Variants in PAQR9 observed in about 807,000 individuals in gnomAD.
PAQR9 encodes the protein progestin and adipoQ receptor family member 9.
Under a neutral mutation model 24.0 loss-of-function variants are expected in PAQR9, and 12 were observed. The ratio of observed to expected loss-of-function variants is 0.50; its 90% CI spans 0.32 to 0.81. The LOEUF (loss-of-function observed/expected upper bound fraction) is 0.81. Ranked by LOEUF, PAQR9 falls within the 30% of genes least tolerant of loss-of-function variation. PAQR9 has a pLI of 0.03. For synonymous variants in PAQR9, 266 were observed against 237.6 expected (o/e 1.12, Z -1.10); for missense variants, 418 against 520.8 (o/e 0.80, Z 1.92).
chr3:142,962,627 G>A lies in PAQR9; in HGVS notation c.710C>T (p.Thr237Ile). The change falls in exon 1 of 1, where the codon ACC (threonine) becomes ATC (isoleucine). Residue 237 changes from threonine to isoleucine, a missense_variant. Around this residue, in one of 3 missense-constraint regions of PAQR9, gnomAD observed 230 missense variants for 305.2 expected, o/e 0.75. Transcript: ENST00000340634. ...ACCKSRTDWC[T>I]YPFALRTFVF... ...GAAGGTGCGCAGCGCGAACGGGTAG[G>A]TACACCAGTCGGTACGGCTCTTGCA... The A allele has an allele frequency of 1.2e-6, 2 of 1,612,626 alleles. No individual in the cohort carries two copies. The highest frequency in any genetic ancestry group is 1.7e-6 in the Non-Finnish European group (2 of 1,179,408).
chr3:142,957,372 C>G lies in PAQR9; in HGVS notation c.*4831G>C, dbSNP rs1237247227. Among the ~76,000 whole-genome samples the G allele has an allele frequency of 6.6e-6, 1 of 152,184 alleles. No individual in the cohort carries two copies. Among genetic ancestry groups the G allele is most frequent in the Non-Finnish European group, 1.5e-5 (1 of 68,036 alleles). ...CCCATTCTGACTGTTTGACTCTAAT[C>G]CTCTTTGTTCTCCCCTTCCCATGCA... On this transcript the variant is annotated 3_prime_UTR_variant, in exon 1 of 1. Transcript: ENST00000340634.
chr3:142,950,393 G>T, downstream of PAQR9: 1 of 197,422 alleles, frequency 5.1e-6, no homozygotes, highest in South Asian at 8.1e-5. Context: ...ATTTTGGGGG[G>T]CAGCAGTTTG....
At chr3:142,949,207 T>G (rs1934683427) in exon 3 of PAQR9, 1 of 152,238 alleles carries the variant, frequency 6.6e-6, no homozygotes, top group Non-Finnish European at 1.5e-5. Flanking sequence ...TTTATTTCCT[T>G]AAACCTGTTT....
downstream of PAQR9, among the ~76,000 whole-genome samples, chr3:142,953,107 A>G (rs1934740765): frequency 6.6e-6 from 1 of 152,196 alleles, no homozygotes; most frequent in Non-Finnish European, 1.5e-5. Flanking sequence ...CCTAGGCCAC[A>G]GGGGGTGATG....
Position 142,963,076 on chromosome 3 carries a change from G to A in PAQR9, c.261C>T (p.Phe87=). 5.0e-6 allele frequency: 8 copies of A among 1,614,184 alleles called. No individual in the cohort carries two copies. Among genetic ancestry groups the A allele is most frequent in the Non-Finnish European group, 6.8e-6 (8 of 1,180,006 alleles). The change falls in exon 1 of 1, where the codon TTC becomes TTT. Residue 87 remains phenylalanine, a synonymous_variant. Transcript: ENST00000340634. ...GCAGCAGCGGGATGAAGTGCGTCCAGAAGTTGAGCGTCTCGTTGGTAGGCT... is the reference window on the plus strand; with the variant it reads ...GCAGCAGCGGGATGAAGTGCGTCCAAAAGTTGAGCGTCTCGTTGGTAGGCT... ...VLKPTNETLN[F]WTHFIPLLLF...
In PAQR9 at chr3:142,959,481, T is replaced by G. The variant is rs1189918013; in HGVS notation, c.*2722A>C. Among the ~76,000 whole-genome samples, 1 of 152,194 alleles carries G rather than the reference T, an allele frequency of 6.6e-6. No homozygotes were observed. Among genetic ancestry groups the G allele is most frequent in the Non-Finnish European group, 1.5e-5 (1 of 68,046 alleles). ...AGAATGTCCTCTTGTCATTATTATA[T>G]GTGGTCTACAAAATCTAAGATGGAA... is the stretch of plus-strand genomic sequence containing the variant. On this transcript the variant is annotated 3_prime_UTR_variant, in exon 1 of 1. Coordinates refer to ENST00000340634, the MANE Select transcript of PAQR9 (RefSeq NM_198504.4).
In PAQR9 at chr3:142,958,957, A is replaced by C. The variant is rs1389623890; in HGVS notation, c.*3246T>G. Among the ~76,000 whole-genome samples, 1 of 152,222 alleles carries C rather than the reference A, an allele frequency of 6.6e-6. No individual in the cohort carries two copies. The highest frequency in any genetic ancestry group is 1.5e-5 in the Non-Finnish European group (1 of 68,046). On this transcript the variant is annotated 3_prime_UTR_variant, in exon 1 of 1. Coordinates refer to ENST00000340634, the MANE Select transcript of PAQR9 (RefSeq NM_198504.4). The stretch of plus-strand genomic sequence containing the variant: ...TCAGTCTGAGTCAGCCCCAGAGACC[A>C]ACCCACGGGGTGACAGGCACCGAAG...
chr3:142,957,929 C>T lies in PAQR9; in HGVS notation c.*4274G>A, dbSNP rs1026341681. Among the ~76,000 whole-genome samples the T allele has an allele frequency of 1.3e-5, 2 of 152,206 alleles. No homozygotes were observed. The highest frequency in any genetic ancestry group is 2.9e-5 in the Non-Finnish European group (2 of 68,040). Reference sequence around the variant, plus strand: ...AAAGAGACCCAAACTCAGGGACTTACGGCATTCTACCTACAGCCAAGGTCA... The same window carrying T: ...AAAGAGACCCAAACTCAGGGACTTATGGCATTCTACCTACAGCCAAGGTCA... On this transcript the variant is annotated 3_prime_UTR_variant, in exon 1 of 1. Coordinates refer to ENST00000340634, the MANE Select transcript of PAQR9 (RefSeq NM_198504.4).
chr3:142,951,933 T>G, downstream of PAQR9: 1 of 374,306 alleles, frequency 2.7e-6, no homozygotes, highest in Non-Finnish European at 5.2e-6. Context: ...CTTAGAAGAA[T>G]CATTCTAGTG....
rs1934920648 is a variant in PAQR9 at position 142,962,567 on chromosome 3, A to G, written c.770T>C (p.Ile257Thr). 6.2e-7 allele frequency: 1 copy of G among 1,613,886 alleles called. No homozygotes were observed. Among genetic ancestry groups the G allele is most frequent in the Non-Finnish European group, 8.5e-7 (1 of 1,180,032 alleles). The part of the protein sequence containing the change: ...FVMPLSMACP[I>T]MLESWLFDLR... ...GTCGAAGAGCCAGCTCTCGAGCATA[A>G]TGGGGCAGGCCATGCTGAGCGGCAT... Residue 257 changes from isoleucine to threonine, a missense_variant, in exon 1 of 1, where the codon ATT becomes ACT. Physicochemically the swap from Ile to Thr is moderately conservative, Grantham distance 89. Around this residue, in one of 3 missense-constraint regions of PAQR9, gnomAD observed 230 missense variants for 305.2 expected, o/e 0.75. Coordinates refer to ENST00000340634, the MANE Select transcript of PAQR9 (RefSeq NM_198504.4).
chr3:142,963,970 T>A, upstream of PAQR9: 1 of 802,606 alleles, frequency 1.2e-6, no homozygotes, highest in Non-Finnish European at 1.5e-6. Context: ...GCCCTGGGGT[T>A]CGAAACCCGA....
downstream of PAQR9, among the ~76,000 whole-genome samples, chr3:142,953,096 T>TC (rs1368995880): frequency 1.3e-5 from 2 of 152,270 alleles, no homozygotes; most frequent in African/African-American, 4.8e-5. Flanking sequence ...GCCTTGGCCA[T>TC]CCTAGGCCAC....
chr3:142,963,313 C>T lies in PAQR9; in HGVS notation c.24G>A (p.Arg8=), dbSNP rs1466103596. The change falls in exon 1 of 1, where the codon CGG becomes CGA. Residue 8 remains arginine, a synonymous_variant. Coordinates refer to ENST00000340634, the MANE Select transcript of PAQR9 (RefSeq NM_198504.4). The stretch of plus-strand genomic sequence containing the variant: ...CCGGAGGGCCTTTTGTGCCCGCGCC[C>T]CGGGGCTGCAGGCGCCGCGGCATGG... MPRRLQP[R]GAGTKGPPAP... The T allele has an allele frequency of 6.4e-6, 9 of 1,400,354 alleles. No homozygotes were observed. Among genetic ancestry groups the T allele is most frequent in the Non-Finnish European group, 8.3e-6 (9 of 1,085,446 alleles). The allele number at this position is 1,400,354 out of a possible 1,614,324, so 86.7% of individuals were successfully genotyped here.
In PAQR9 at chr3:142,956,122, T is replaced by C. The variant is rs1371763711; in HGVS notation, c.*6081A>G. ...AAAAAATTTTCCCAGGAATTTTATT[T>C]TTTGCATCCAGCATATTAAAAACAG... On this transcript the variant is annotated 3_prime_UTR_variant, in exon 1 of 1. Coordinates refer to ENST00000340634, the MANE Select transcript of PAQR9 (RefSeq NM_198504.4). 6.6e-6 allele frequency among the ~76,000 whole-genome samples: 1 copy of C among 152,228 alleles called. No homozygotes were observed. Among genetic ancestry groups the C allele is most frequent in the African/African-American group, 2.4e-5 (1 of 41,456 alleles).
At position 142,957,183 on chromosome 3, in the gene PAQR9, A is replaced by G. The variant is rs1014092887; in HGVS notation, c.*5020T>C. Among the ~76,000 whole-genome samples, 5 of 152,330 alleles carry G rather than the reference A, an allele frequency of 3.3e-5. No homozygotes were observed. Among genetic ancestry groups the G allele is most frequent in the Admixed American group, 3.3e-4 (5 of 15,298 alleles). ...CCAGGAGATAAATGTACCACTCAAA[A>G]TATACCTGGACACTCGTGCTCAGGT... On this transcript the variant is annotated 3_prime_UTR_variant, in exon 1 of 1. Transcript: ENST00000340634.
Position 142,960,586 on chromosome 3 carries a change from C to T in PAQR9, c.*1617G>A, listed in dbSNP as rs1014671281. Reference sequence around the variant, plus strand: ...AAACAAAACAAAACAAAAAAAACTCCCAATCAATGACTTATTTGGCTTCTA... The same window carrying T: ...AAACAAAACAAAACAAAAAAAACTCTCAATCAATGACTTATTTGGCTTCTA... On this transcript the variant is annotated 3_prime_UTR_variant, in exon 1 of 1. Transcript: ENST00000340634. The T allele has an allele frequency of 1.3e-5, 2 of 152,198 alleles. No individual in the cohort carries two copies. Among genetic ancestry groups the T allele is most frequent in the African/African-American group, 4.8e-5 (2 of 41,418 alleles). 9.4% of individuals were successfully genotyped at this position (152,198 alleles called of 1,614,324 possible).
At chr3:142,952,261 G>C (rs1280086569), downstream of PAQR9, among the ~76,000 whole-genome samples, 1 of 151,854 alleles carries the variant, frequency 6.6e-6, no homozygotes, top group East Asian at 1.9e-4. Flanking sequence ...TGAGGAGAGG[G>C]TGGGAGTGGT....
rs1934799086 is a variant in PAQR9 at position 142,956,953 on chromosome 3, C to T, written c.*5250G>A. Reference sequence around the variant, plus strand: ...ACGTGTGGCCTCTCACAAAAGAACACAGTAGTGCTCAGCTCCAACCACTGA... The same window carrying T: ...ACGTGTGGCCTCTCACAAAAGAACATAGTAGTGCTCAGCTCCAACCACTGA... On this transcript the variant is annotated 3_prime_UTR_variant, in exon 1 of 1. Transcript: ENST00000340634. Among the ~76,000 whole-genome samples, 1 of 152,218 alleles carries T rather than the reference C, an allele frequency of 6.6e-6. No individual in the cohort carries two copies. The highest frequency in any genetic ancestry group is 1.5e-5 in the Non-Finnish European group (1 of 68,040).
rs764191965 is a variant in PAQR9, at chr3:142,962,595, C to T, written c.742G>A (p.Val248Ile). 1.2e-6 allele frequency: 2 copies of T among 1,613,858 alleles called. No homozygotes were observed. Among genetic ancestry groups the T allele is most frequent in the South Asian group, 2.2e-5 (2 of 91,058 alleles). Residue 248 changes from valine to isoleucine, a missense_variant, in exon 1 of 1, where the codon GTC becomes ATC. By Grantham distance (29) the Val-to-Ile change is conservative. Transcript: ENST00000340634. ...YPFALRTFVF[V>I]MPLSMACPIM... ...GGGCAGGCCATGCTGAGCGGCATGA[C>T]GAAGACGAAGGTGCGCAGCGCGAAC...
Sources: allele counts gnomAD v4.1 joint callset (sites outside exome capture counted in the v4.1 genomes callset), GRCh38; gene constraint gnomAD v4.1.1; regional missense constraint gnomAD v4.1.1; transcripts MANE v1.5; gene names NCBI Gene and HGNC (gene_info 2026-07-23, HGNC 2026-07-21).